The following ALK variants were observed in gnomAD, a reference collection of about 807,000 sequenced individuals.
ALK encodes ALK receptor tyrosine kinase, also known as ALK tyrosine kinase receptor.
In ALK, 74 loss-of-function variants were observed where a neutral mutation model predicts 163.1. The ratio of observed to expected loss-of-function variants is 0.45; its 90% confidence interval spans 0.38 to 0.55. The LOEUF (loss-of-function observed/expected upper bound fraction) is 0.55, where lower values mean the gene tolerates loss of function less well. ALK is among the 20% of genes least tolerant of loss of function. The probability of loss-of-function intolerance (pLI) is 0.00; values close to 1 mark genes in which losing one functional copy is unlikely to be tolerated. For synonymous variants in ALK, 960 were observed against 843.2 expected (o/e 1.14, Z -2.40); for missense variants, 2,063 against 2,105.3 (o/e 0.98, Z 0.39).
chr2:29,266,123 C>T (rs1484008304), intron 11 of ALK, among the ~76,000 whole-genome samples: 1 of 152,216 alleles, frequency 6.6e-6, no homozygotes, highest in East Asian at 1.9e-4. Flanking sequence ...TCTTGATAAG[C>T]TTTAGAAGAC....
chr2:29,750,471 TG>T, intron 1 of ALK, among the ~76,000 whole-genome samples: 1 of 152,056 alleles, frequency 6.6e-6, no homozygotes, highest in African/African-American at 2.4e-5. Context: ...GAGAACAGCC[TG>T]GGCAACATAG....
intron 3 of ALK, among the ~76,000 whole-genome samples, chr2:29,675,312 C>T (rs1006237428): frequency 6.6e-6 from 1 of 152,040 alleles, no homozygotes; most frequent in East Asian, 1.9e-4. Context: ...TGTTGATGCA[C>T]ATTTAAAGCA....
At chr2:29,357,714 T>A (rs1668286331) in intron 5 of ALK, among the ~76,000 whole-genome samples, 1 of 152,162 alleles carries the variant, frequency 6.6e-6, no homozygotes. Context: ...TGACCTAGCA[T>A]CTCTTTCATG....
chr2:29,647,775 C>CTTTTT (rs34620705), intron 3 of ALK, among the ~76,000 whole-genome samples: 4 of 117,210 alleles, frequency 3.4e-5, no homozygotes, highest in Non-Finnish European at 5.0e-5. Context: ...ATGATTTTTT[C>CTTTTT]TTTTTTTTTT....
chr2:29,716,996 C>A (rs1378086045), intron 2 of ALK, among the ~76,000 whole-genome samples: 166 of 6,008 alleles, frequency 0.028, 22 homozygotes, highest in East Asian at 0.24. Context: ...ACCAAAAATC[C>A]AAAAAAAAAA....
At chr2:29,882,078 T>TCC (rs1161112716) in intron 1 of ALK, among the ~76,000 whole-genome samples, 1 of 152,110 alleles carries the variant, frequency 6.6e-6, no homozygotes, top group Non-Finnish European at 1.5e-5. Context: ...AAACAGGGAC[T>TCC]CCGTCTGAGG....
Position 29,255,330 on chromosome 2 carries a change from A to T in ALK, c.2042-4063T>A, listed in dbSNP as rs377498705. On this transcript the variant is annotated intron_variant, in intron 11 of 28. Coordinates refer to ENST00000389048, the MANE Select transcript of ALK (RefSeq NM_004304.5). ...TCAGAGAATGTCACAGCACAGTGGG[A>T]CCTTGGCAATCTCTGAATTCAGTGT... is the stretch of plus-strand genomic sequence containing the variant. 2.2e-4 allele frequency among the ~76,000 whole-genome samples: 34 copies of T among 152,258 alleles called. 1 individual carries two copies. In the South Asian group the frequency reaches 3.1e-3, roughly 14 times the overall value.
intron 4 of ALK, among the ~76,000 whole-genome samples, chr2:29,454,333 T>C (rs1156421064): frequency 6.6e-6 from 1 of 152,210 alleles, no homozygotes; most frequent in African/African-American, 2.4e-5. Context: ...AACCTACACA[T>C]ATCTTTCCAT....
At chr2:29,867,579 G>A (rs551130902) in intron 1 of ALK, among the ~76,000 whole-genome samples, 1 of 152,242 alleles carries the variant, frequency 6.6e-6, no homozygotes, top group East Asian at 1.9e-4. Context: ...CTTGGGATGT[G>A]TTTTAAATTC....
chr2:29,244,521 G>A (rs1319434349), intron 12 of ALK, among the ~76,000 whole-genome samples: 2 of 152,192 alleles, frequency 1.3e-5, no homozygotes, highest in South Asian at 2.1e-4. Context: ...TTCATGGTCT[G>A]TTTCTCCCTT....
chr2:29,563,651 A>G (rs1157675707), intron 3 of ALK, among the ~76,000 whole-genome samples: 1 of 152,218 alleles, frequency 6.6e-6, no homozygotes, highest in Non-Finnish European at 1.5e-5. Context: ...GGCTAACTCC[A>G]TGTTGCTCCT....
chr2:29,860,506 C>G (rs909831389), intron 1 of ALK, among the ~76,000 whole-genome samples: 3 of 151,748 alleles, frequency 2.0e-5, no homozygotes, highest in Admixed American at 6.6e-5. Context: ...ACACTGGACA[C>G]AAACTAAGAC....
chr2:29,458,700 A>T (rs1671016258), intron 4 of ALK, among the ~76,000 whole-genome samples: 1 of 152,184 alleles, frequency 6.6e-6, no homozygotes, highest in Non-Finnish European at 1.5e-5. Flanking sequence ...TGACTGAACA[A>T]CTGAACCATA....
At chr2:29,480,015 T>C (rs977289408) in intron 4 of ALK, among the ~76,000 whole-genome samples, 3 of 152,244 alleles carry the variant, frequency 2.0e-5, no homozygotes, top group Non-Finnish European at 2.9e-5. Context: ...TTTTGTTCTT[T>C]CAGCTAAATA....
intron 3 of ALK, among the ~76,000 whole-genome samples, chr2:29,684,978 C>T (rs1487859709): frequency 6.6e-6 from 1 of 152,216 alleles, no homozygotes; most frequent in Non-Finnish European, 1.5e-5. Context: ...TGGAACACTG[C>T]AATGAATGAG....
Position 29,228,875 on chromosome 2 carries a change from C to A in ALK, c.2815+9G>T. The A allele has an allele frequency of 6.4e-7, 1 of 1,567,658 alleles. No individual in the cohort carries two copies. The highest frequency in any genetic ancestry group is 8.8e-7 in the Non-Finnish European group (1 of 1,137,748). ...AGGGAGTGACACCTTGAACACGAAT[C>A]ATCTTTACCTATATATCCTCCGCCT... On this transcript the variant is annotated intron_variant, in intron 16 of 28. Transcript: ENST00000389048.
rs866688589 is a variant in ALK at position 29,831,111 on chromosome 2, A to G, written c.667+88882T>C. 3.5e-3 allele frequency among the ~76,000 whole-genome samples: 120 copies of G among 34,262 alleles called. 8 individuals are homozygous for G. Among genetic ancestry groups the G allele is most frequent in the African/African-American group, 0.011 (76 of 6,750 alleles). The allele number at this position is 34,262 out of a possible 152,430, so 22.5% of individuals were successfully genotyped here. On this transcript the variant is annotated intron_variant, in intron 1 of 28. Transcript: ENST00000389048. ...GGAGGAGGAGGAGGAGGAGGAGGAGAAGAAGAAGAAGAAGGGGAAGAAGGG... is the reference window on the plus strand; with the variant it reads ...GGAGGAGGAGGAGGAGGAGGAGGAGGAGAAGAAGAAGAAGGGGAAGAAGGG...
intron 1 of ALK, among the ~76,000 whole-genome samples, chr2:29,906,680 T>A (rs1415892838): frequency 6.6e-6 from 1 of 152,212 alleles, no homozygotes; most frequent in Non-Finnish European, 1.5e-5. Flanking sequence ...TCGTGTTATC[T>A]GACCTCTCTG....
Position 29,694,843 on chromosome 2 carries a change from C to CCCTTA in ALK, c.952+2_952+6dup. The CCCTTA allele has an allele frequency of 1.2e-6, 2 of 1,613,622 alleles. No homozygotes were observed. Among genetic ancestry groups the CCCTTA allele is most frequent in the Non-Finnish European group, 1.7e-6 (2 of 1,179,988 alleles). On this transcript the variant is annotated splice_region_variant and intron_variant, in intron 3 of 28. Coordinates refer to ENST00000389048, the MANE Select transcript of ALK (RefSeq NM_004304.5). The stretch of plus-strand genomic sequence containing the variant: ...ACCCAGGACATCACCAGCAGCCTCT[C>CCCTTA]CCTTACCTCTGGGCATCTCCTTAGA...
Sources: allele counts gnomAD v4.1 joint callset (sites outside exome capture counted in the v4.1 genomes callset), GRCh38; gene constraint gnomAD v4.1.1; transcripts MANE v1.5; gene names NCBI Gene and HGNC (gene_info 2026-07-23, HGNC 2026-07-21).